The following IL1RAPL1 variants were observed in gnomAD, a reference collection of about 807,000 sequenced individuals.
The protein encoded by IL1RAPL1 is interleukin 1 receptor accessory protein like 1, also known as interleukin-1 receptor accessory protein-like 1.
IL1RAPL1 carries 3 observed loss-of-function variants against 48.4 expected under a neutral mutation model. The ratio of observed to expected loss-of-function variants is 0.06; its 90% CI spans 0.03 to 0.16. The LOEUF is 0.16. IL1RAPL1 is among the 10% of genes least tolerant of loss of function. IL1RAPL1 has a pLI of 1.00. For missense variants in IL1RAPL1, 349 were observed against 530.6 expected (o/e 0.66, Z 3.36); for synonymous variants, 185 against 187.7 (o/e 0.99, Z 0.12).
At chrX:28,721,022 CTT>C (rs1343030409) in intron 1 of IL1RAPL1, among the ~76,000 whole-genome samples, 2 of 112,137 alleles carry the variant, frequency 1.8e-5, no homozygotes, top group Non-Finnish European at 3.8e-5. Context: ...GGTTCCAAGT[CTT>C]TGCTATTGTG....
chrX:29,020,535 T>G, intron 2 of IL1RAPL1, among the ~76,000 whole-genome samples: 1 of 112,301 alleles, frequency 8.9e-6, no homozygotes, highest in East Asian at 2.8e-4. Flanking sequence ...CTCTGTGATA[T>G]TCACATGACG....
intron 3 of IL1RAPL1, among the ~76,000 whole-genome samples, chrX:29,380,877 C>T (rs1322261616): frequency 9.0e-6 from 1 of 111,573 alleles, no homozygotes; most frequent in Non-Finnish European, 1.9e-5. Flanking sequence ...CAGGAATAGA[C>T]TTACTAATAA....
At chrX:29,586,630 A>G (rs1212693841) in intron 5 of IL1RAPL1, among the ~76,000 whole-genome samples, 1 of 111,429 alleles carries the variant, frequency 9.0e-6, no homozygotes, top group Non-Finnish European at 1.9e-5. Flanking sequence ...TGCTTTGGGT[A>G]GTATGAACGT....
chrX:29,372,498 T>C (rs774740538), intron 3 of IL1RAPL1, among the ~76,000 whole-genome samples: 2 of 111,834 alleles, frequency 1.8e-5, no homozygotes, highest in Non-Finnish European at 3.8e-5. Flanking sequence ...AGTGCCCATG[T>C]TGAGAAGGCT....
At chrX:29,235,961 A>G (rs185827734) in intron 2 of IL1RAPL1, among the ~76,000 whole-genome samples, 12 of 112,208 alleles carry the variant, frequency 1.1e-4, no homozygotes, top group Non-Finnish European at 2.1e-4. Flanking sequence ...CTGATGCCTC[A>G]TTGAACATAA....
At chrX:29,350,563 G>A (rs1933216929) in intron 3 of IL1RAPL1, among the ~76,000 whole-genome samples, 3 of 105,878 alleles carry the variant, frequency 2.8e-5, no homozygotes, top group Non-Finnish European at 3.9e-5. Flanking sequence ...ATTCATTGGT[G>A]TGTCTGAGTG....
chrX:29,954,387 A>T (rs1933377197), intron 9 of IL1RAPL1, 135 bp from the exon 10 acceptor site: 1 of 520,245 alleles, frequency 1.9e-6, no homozygotes, highest in Non-Finnish European at 3.3e-6. Context: ...AATGAAACTT[A>T]ATGAAGGCTT....
chrX:28,620,385 C>T (rs1934272453), intron 1 of IL1RAPL1, among the ~76,000 whole-genome samples: 1 of 111,735 alleles, frequency 8.9e-6, no homozygotes. Context: ...CAGTCTTCCT[C>T]TCTGGAGTCC....
chrX:29,027,799 G>A (rs1000353194), intron 2 of IL1RAPL1, among the ~76,000 whole-genome samples: 1 of 111,339 alleles, frequency 9.0e-6, no homozygotes, highest in African/African-American at 3.3e-5. Flanking sequence ...GTAATGTGAA[G>A]CAACTTTCCA....
chrX:28,603,079 C>T (rs1934044605), intron 1 of IL1RAPL1, among the ~76,000 whole-genome samples: 1 of 111,626 alleles, frequency 9.0e-6, no homozygotes, highest in African/African-American at 3.3e-5. Context: ...TACCTGAGGA[C>T]AGTCTCTTAG....
chrX:29,882,102 T>G (rs1488978651), intron 6 of IL1RAPL1, among the ~76,000 whole-genome samples: 1 of 111,952 alleles, frequency 8.9e-6, no homozygotes, highest in African/African-American at 3.2e-5. Flanking sequence ...TGGACTCAAT[T>G]TATTTTCTCT....
chrX:29,693,987 A>G (rs1290023349), intron 6 of IL1RAPL1, among the ~76,000 whole-genome samples: 2 of 111,745 alleles, frequency 1.8e-5, no homozygotes, highest in Non-Finnish European at 3.8e-5. Flanking sequence ...AGCACTATTC[A>G]TATCTACAAT....
At chrX:29,195,757 T>C (rs933811200) in intron 2 of IL1RAPL1, among the ~76,000 whole-genome samples, 1 of 109,832 alleles carries the variant, frequency 9.1e-6, no homozygotes. Context: ...GACGGGGTTT[T>C]GCCATGTTGG....
intron 1 of IL1RAPL1, among the ~76,000 whole-genome samples, chrX:28,741,952 A>G (rs1935912333): frequency 9.0e-6 from 1 of 111,602 alleles, no homozygotes; most frequent in African/African-American, 3.3e-5. Context: ...CAGGGGATTT[A>G]TATTTTTTGT....
In IL1RAPL1 at chrX:28,850,427, C is replaced by T. The variant is rs193242979; in HGVS notation, c.82+61002C>T. Among the ~76,000 whole-genome samples, 53 of 107,783 alleles carry T rather than the reference C, an allele frequency of 4.9e-4. 1 individual carries two copies. In the East Asian group the frequency reaches 0.017, roughly 35 times the overall value. The allele number at this position is 107,783 out of a possible 115,157, so 93.6% of individuals were successfully genotyped here. A position where few individuals can be genotyped will look rare whatever the true frequency, so the allele number is the denominator to read the frequency against. ...GAGTGCAGCAGCAGGGGTACTAAAA[C>T]GGGCCCATTGCTGAGGGATGTGGGA... On this transcript the variant is annotated intron_variant, in intron 2 of 10. Transcript: ENST00000378993.
chrX:29,599,042 T>C (rs1356281826), intron 5 of IL1RAPL1, among the ~76,000 whole-genome samples: 1 of 112,172 alleles, frequency 8.9e-6, no homozygotes, highest in African/African-American at 3.2e-5. Context: ...AAAGTTAGTA[T>C]TGAGGTGTGA....
intron 6 of IL1RAPL1, among the ~76,000 whole-genome samples, chrX:29,864,683 GCTC>G (rs1235159282): frequency 1.1e-4 from 12 of 111,437 alleles, no homozygotes; most frequent in Non-Finnish European, 1.7e-4. Context: ...TGATTGCCTG[GCTC>G]CTGATAGCCT....
chrX:28,969,222 G>T (rs1924995817), intron 2 of IL1RAPL1, among the ~76,000 whole-genome samples: 1 of 111,826 alleles, frequency 8.9e-6, no homozygotes, highest in Non-Finnish European at 1.9e-5. Flanking sequence ...TTTCCAAGCT[G>T]GGGTTTTGGT....
intron 1 of IL1RAPL1, among the ~76,000 whole-genome samples, chrX:28,783,964 A>G (rs896056726): frequency 1.6e-4 from 18 of 111,536 alleles, no homozygotes; most frequent in African/African-American, 5.9e-4. Flanking sequence ...TTTCCTAATC[A>G]TTTTGTACCT....
Sources: gnomAD v4.1 joint callset for allele counts (sites outside exome capture counted in the v4.1 genomes callset) on GRCh38, gnomAD v4.1.1 for gene constraint, MANE v1.5 for transcripts, NCBI Gene and HGNC (gene_info 2026-07-23, HGNC 2026-07-21) for gene names.